Variants in SMTN observed in about 807,000 individuals in gnomAD.
SMTN encodes smoothelin.
Under a neutral mutation model 102.0 loss-of-function variants are expected in SMTN, and 58 were observed. The observed-to-expected ratio is 0.57, with a 90% confidence interval of 0.46 to 0.71. The LOEUF is 0.71. Ranked by LOEUF, SMTN falls within the 30% of genes least tolerant of loss-of-function variation. The probability of loss-of-function intolerance (pLI) is 0.00; values close to 1 mark genes in which losing one functional copy is unlikely to be tolerated. For missense variants in SMTN, 1,185 were observed against 1,241.7 expected, an observed-to-expected ratio of 0.95 and a Z score of 0.69; for synonymous variants, 478 against 497.9, an observed-to-expected ratio of 0.96 and a Z score of 0.53.
Position 31,091,410 on chromosome 22 carries a change from A to G in SMTN, c.1387A>G (p.Ile463Val). The G allele has an allele frequency of 6.4e-7, 1 of 1,572,872 alleles. No individual in the cohort carries two copies. Among genetic ancestry groups the G allele is most frequent in the East Asian group, 2.2e-5 (1 of 44,638 alleles). The change falls in exon 10 of 21, where the codon ATC (isoleucine) becomes GTC (valine). Residue 463 changes from isoleucine (I) to valine (V), a missense_variant. By Grantham distance (29) the Ile-to-Val change is conservative (BLOSUM62 3). Transcript: ENST00000333137. Reference sequence around the variant, plus strand: ...GGGCAGTATGAAGACCACATTCACCATCGAGATCAAGGACGGCCGTGGCCA... The same window carrying G: ...GGGCAGTATGAAGACCACATTCACCGTCGAGATCAAGGACGGCCGTGGCCA... The part of the protein sequence containing the change: ...PGGSMKTTFT[I>V]EIKDGRGQAS...
Position 31,091,826 on chromosome 22 carries a change from C to T in SMTN, c.1611C>T (p.Ser537=). Residue 537 remains serine (S), a synonymous_variant, in exon 11 of 21, where the codon AGC becomes AGT. Transcript: ENST00000333137. ...VTSFSHAPPS[S]RGGCSIKMEA... is the part of the protein sequence containing the mutation. ...GCTTCAGCCATGCCCCCCCCAGTAG[C>T]CGAGGAGGCTGCAGCATCAAGGTGA... is the stretch of plus-strand genomic sequence containing the variant. 1 of 1,597,098 alleles carries T rather than the reference C, an allele frequency of 6.3e-7. No individual in the cohort carries two copies. Among genetic ancestry groups the T allele is most frequent in the Non-Finnish European group, 8.5e-7 (1 of 1,170,788 alleles).
rs576347609 is a variant in SMTN at position 31,093,841 on chromosome 22, C to G, written c.1633-1462C>G. 17 of 1,587,396 alleles carry G rather than the reference C, an allele frequency of 1.1e-5. No homozygotes were observed. In the East Asian group the frequency reaches 2.7e-4, roughly 25 times the overall value. ...CCCACCTGCCTTCAGCACCCGCCGCCGCTCCTCCACCGGCACCACCCGCAG... is the reference window on the plus strand; with the variant it reads ...CCCACCTGCCTTCAGCACCCGCCGCGGCTCCTCCACCGGCACCACCCGCAG... On this transcript the variant is annotated intron_variant, in intron 11 of 20. Coordinates refer to ENST00000333137, the MANE Select transcript of SMTN (RefSeq NM_134269.3).
At chr22:31,090,728 G>C in intron 8 of SMTN, 80 bp from the exon 9 acceptor site, 1 of 1,130,548 alleles carries the variant, frequency 8.8e-7, no homozygotes, top group Non-Finnish European at 1.3e-6. Context: ...TAGAGGAGAG[G>C]ATTATGAAAG....
Position 31,104,584 on chromosome 22 carries a change from A to G in SMTN, c.*289A>G. The stretch of plus-strand genomic sequence containing the variant: ...TCTGTTGCGACACCCTCCCCCCCAC[A>G]TACACACGCAGCGTTTTGATAAATT... On this transcript the variant is annotated 3_prime_UTR_variant, in exon 21 of 21. Transcript: ENST00000333137. 1 of 951,448 alleles carries G rather than the reference A, an allele frequency of 1.1e-6. No homozygotes were observed. Among genetic ancestry groups the G allele is most frequent in the Non-Finnish European group, 1.6e-6 (1 of 616,932 alleles). 58.9% of individuals were successfully genotyped at this position (951,448 alleles called of 1,614,324 possible). A position where few individuals can be genotyped will look rare whatever the true frequency, so the allele number is the denominator to read the frequency against.
upstream of SMTN, among the ~76,000 whole-genome samples, chr22:31,076,326 G>C (rs934385633): frequency 6.6e-6 from 1 of 152,198 alleles, no homozygotes; most frequent in East Asian, 1.9e-4. Context: ...CTTCAGAACC[G>C]GCAAAGGAGC....
At position 31,104,337 on chromosome 22, in the gene SMTN, C is replaced by T; in HGVS notation, c.*42C>T. 6.2e-7 allele frequency: 1 copy of T among 1,614,186 alleles called. No homozygotes were observed. The highest frequency in any genetic ancestry group is 2.2e-5 in the East Asian group (1 of 44,874). On this transcript the variant is annotated 3_prime_UTR_variant, in exon 21 of 21. Transcript: ENST00000333137. ...GCAGGATGCTGGTGGACTGTGTGCCCCTGGTGGAGGTGGACGACATGATGA... is the reference window on the plus strand; with the variant it reads ...GCAGGATGCTGGTGGACTGTGTGCCTCTGGTGGAGGTGGACGACATGATGA...
chr22:31,070,598 C>G (rs1383572265), intron 1 of SMTN, among the ~76,000 whole-genome samples: 6 of 152,124 alleles, frequency 3.9e-5, no homozygotes, highest in African/African-American at 1.4e-4. Context: ...TCTGACCTCC[C>G]AGAACTACCT....
intron 1 of SMTN, among the ~76,000 whole-genome samples, chr22:31,076,039 G>A (rs1399430165): frequency 6.6e-6 from 1 of 152,194 alleles, no homozygotes; most frequent in Non-Finnish European, 1.5e-5. Flanking sequence ...GATGGGGATC[G>A]AGAAGGGCGG....
chr22:31,088,844 C>CA, intron 5 of SMTN, 28 bp from the exon 6 acceptor site: 1 of 1,612,692 alleles, frequency 6.2e-7, no homozygotes, highest in Non-Finnish European at 8.5e-7. Flanking sequence ...CCCTGTCACT[C>CA]ACCTGCCACT....
intron 1 of SMTN, among the ~76,000 whole-genome samples, chr22:31,075,680 T>TAAGAAA (rs1331295499): frequency 3.0e-5 from 4 of 133,714 alleles, no homozygotes; most frequent in Non-Finnish European, 6.4e-5. Context: ...GACTCTGTCT[T>TAAGAAA]AAAAAAAAAA....
At chr22:31,101,804 A>AG (rs1187387176) in intron 20 of SMTN, 5 of 145,610 alleles carry the variant, frequency 3.4e-5, no homozygotes, top group Non-Finnish European at 7.8e-5. Context: ...AAAAAAAAAA[A>AG]AAAGTTTGAC....
rs759229078 is a variant in SMTN at position 31,091,383 on chromosome 22, G to C, written c.1360G>C (p.Gly454Arg). 2 of 1,600,386 alleles carry C rather than the reference G, an allele frequency of 1.2e-6. No individual in the cohort carries two copies. Among genetic ancestry groups the C allele is most frequent in the East Asian group, 4.5e-5 (2 of 44,826 alleles). Residue 454 changes from glycine (G) to arginine (R), a missense_variant, in exon 10 of 21, where the codon GGG becomes CGG. Physicochemically the swap from Gly to Arg is moderately radical, Grantham distance 125 (BLOSUM62 -2). This residue lies in a region of SMTN where 1,096 missense variants were observed against 1,112.7 expected (regional missense o/e 0.98). Transcript: ENST00000333137. ...LPVAVGTAEP[G>R]GSMKTTFTIE... ...CGTGGCCGTCGGCACTGCCGAGCCA[G>C]GGGGCAGTATGAAGACCACATTCAC...
intron 3 of SMTN, 136 bp downstream of exon 3, chr22:31,088,249 C>A (rs2147642864): frequency 9.3e-7 from 1 of 1,078,864 alleles, no homozygotes; most frequent in Non-Finnish European, 1.3e-6. Context: ...ACACACGCTT[C>A]TGGAAAAACA....
intron 1 of SMTN, among the ~76,000 whole-genome samples, chr22:31,070,469 G>A (rs2042414092): frequency 2.0e-5 from 3 of 151,778 alleles, no homozygotes; most frequent in African/African-American, 2.4e-5. Context: ...GGACATTTGC[G>A]TAGTCTGTTC....
At chr22:31,072,387 G>A (rs1198412855) in intron 1 of SMTN, among the ~76,000 whole-genome samples, 10 of 152,280 alleles carry the variant, frequency 6.6e-5, no homozygotes, top group Middle Eastern at 3.4e-3. Flanking sequence ...CTTCACTACT[G>A]CAAAATAGCT....
intron 18 of SMTN, 103 bp from the exon 19 acceptor site, chr22:31,099,642 C>G (rs1196762488): frequency 1.5e-6 from 2 of 1,326,066 alleles, no homozygotes; most frequent in Non-Finnish European, 2.1e-6. Context: ...TACGGGGCCT[C>G]TTTGTGCCCA....
chr22:31,088,644 A>G (rs770051262), intron 4 of SMTN, 38 bp downstream of exon 4: 1 of 1,611,336 alleles, frequency 6.2e-7, no homozygotes, highest in Non-Finnish European at 8.5e-7. Context: ...GGGGCAGGGC[A>G]GGTGAAGACC....
At position 31,097,169 on chromosome 22, in the gene SMTN, C is replaced by G. The variant is rs941755571; in HGVS notation, c.2090-100C>G. On this transcript the variant is annotated intron_variant, in intron 15 of 20. Transcript: ENST00000333137. ...TTCAACTGTGCCGTCACTTTCTCTT[C>G]TCTGCCTGCGGCTATCACCACCCCT... The G allele has an allele frequency of 4.0e-6, 6 of 1,495,022 alleles. No homozygotes were observed. The African/African-American group carries it at 8.3e-5, about 21-fold the overall frequency. The allele number at this position is 1,495,022 out of a possible 1,614,324, so 92.6% of individuals were successfully genotyped here.
intron 19 of SMTN, 63 bp from the exon 20 acceptor site, chr22:31,100,822 C>T (rs1602680843): frequency 1.2e-6 from 1 of 815,876 alleles, no homozygotes; most frequent in Non-Finnish European, 2.0e-6. Flanking sequence ...CTCTCTTCCC[C>T]ACCCGGGGCC....
Sources: gnomAD v4.1 joint callset for allele counts (sites outside exome capture counted in the v4.1 genomes callset) on GRCh38, gnomAD v4.1.1 for gene constraint, gnomAD v4.1.1 regional missense constraint, MANE v1.5 for transcripts, NCBI Gene and HGNC (gene_info 2026-07-23, HGNC 2026-07-21) for gene names.